Variants in CSMD1 observed in about 807,000 individuals in gnomAD.
CSMD1 encodes CUB and sushi domain-containing protein 1.
Under a neutral mutation model 417.5 loss-of-function variants are expected in CSMD1, and 213 were observed. The ratio of observed to expected loss-of-function variants is 0.51; its 90% CI spans 0.46 to 0.57. The LOEUF (loss-of-function observed/expected upper bound fraction) is 0.57. Ranked by LOEUF, CSMD1 falls within the 20% of genes least tolerant of loss-of-function variation. The pLI, the probability that CSMD1 is intolerant of heterozygous loss-of-function variation, is 0.00. For missense variants in CSMD1, 6,923 were observed against 4,529.7 expected, an observed-to-expected ratio of 1.53 and a Z score of -15.17; for synonymous variants, 2,862 against 1,736.8, an observed-to-expected ratio of 1.65 and a Z score of -16.11.
At chr8:3,895,783 A>T (rs1219556967) in intron 5 of CSMD1, among the ~76,000 whole-genome samples, 1 of 152,144 alleles carries the variant, frequency 6.6e-6, no homozygotes, top group Non-Finnish European at 1.5e-5. Flanking sequence ...TCCTACGGTC[A>T]TAACTCTTCA....
At chr8:4,438,769 C>A (rs562778945) in intron 2 of CSMD1, among the ~76,000 whole-genome samples, 1 of 152,270 alleles carries the variant, frequency 6.6e-6, no homozygotes, top group South Asian at 2.1e-4. Context: ...ACCATGTGCC[C>A]TGAATCACAA....
intron 1 of CSMD1, among the ~76,000 whole-genome samples, chr8:4,986,582 A>ATAC (rs1298430471): frequency 6.6e-6 from 1 of 152,110 alleles, no homozygotes; most frequent in Non-Finnish European, 1.5e-5. Context: ...ATATCAGAGT[A>ATAC]TACTAAACAG....
intron 12 of CSMD1, among the ~76,000 whole-genome samples, chr8:3,434,073 G>C (rs1448927184): frequency 1.3e-5 from 2 of 152,196 alleles, no homozygotes; most frequent in Non-Finnish European, 2.9e-5. Context: ...TATGAGACCT[G>C]AGGTCTTAGT....
At chr8:3,810,336 A>C (rs1008972633) in intron 5 of CSMD1, among the ~76,000 whole-genome samples, 1 of 152,226 alleles carries the variant, frequency 6.6e-6, no homozygotes, top group Non-Finnish European at 1.5e-5. Context: ...CTGGGAAAGA[A>C]ATAGTGCTTC....
chr8:4,547,059 C>T (rs1238250870), intron 2 of CSMD1, among the ~76,000 whole-genome samples: 1 of 152,154 alleles, frequency 6.6e-6, no homozygotes, highest in African/African-American at 2.4e-5. Context: ...ATCCAACTAC[C>T]TTTTGGACTT....
intron 12 of CSMD1, among the ~76,000 whole-genome samples, chr8:3,463,066 G>A (rs562819921): frequency 4.9e-4 from 75 of 152,224 alleles, no homozygotes; most frequent in Non-Finnish European, 8.7e-4. Flanking sequence ...ATCTGCCACT[G>A]CCTTGATCGT....
intron 5 of CSMD1, among the ~76,000 whole-genome samples, chr8:3,769,086 C>G (rs762772932): frequency 6.6e-5 from 10 of 152,210 alleles, no homozygotes; most frequent in Non-Finnish European, 1.2e-4. Context: ...CAGAGTTGAG[C>G]AAACTAATTA....
rs562952340 is a variant in CSMD1, at chr8:4,479,306, G to A, written c.303-59241C>T. On this transcript the variant is annotated intron_variant, in intron 2 of 69. Coordinates refer to ENST00000635120, the MANE Select transcript of CSMD1 (RefSeq NM_033225.6). ...TTTGCTTGTGAATGTGTTTTTCTTGGTAAGTATGAAAAAGGAATTTTATAC... is the reference window on the plus strand; with the variant it reads ...TTTGCTTGTGAATGTGTTTTTCTTGATAAGTATGAAAAAGGAATTTTATAC... Among the ~76,000 whole-genome samples, 3 of 152,134 alleles carry A rather than the reference G, an allele frequency of 2.0e-5. No homozygotes were observed. The East Asian group carries it at 5.8e-4, about 29-fold the overall frequency.
chr8:4,028,639 A>C (rs1353277065), intron 4 of CSMD1, among the ~76,000 whole-genome samples: 2 of 152,218 alleles, frequency 1.3e-5, no homozygotes, highest in Non-Finnish European at 2.9e-5. Context: ...CCTAGATTAA[A>C]AGCCAGACTT....
intron 36 of CSMD1, among the ~76,000 whole-genome samples, chr8:3,186,978 G>T (rs964129047): frequency 1.3e-5 from 2 of 152,188 alleles, no homozygotes; most frequent in Non-Finnish European, 2.9e-5. Context: ...CTGACCTCAG[G>T]TGATCCGCCC....
intron 3 of CSMD1, among the ~76,000 whole-genome samples, chr8:4,262,121 A>C (rs1803929152): frequency 6.6e-6 from 1 of 152,052 alleles, no homozygotes; most frequent in Non-Finnish European, 1.5e-5. Context: ...TTTCCTATAG[A>C]GAATTGTTAG....
intron 10 of CSMD1, among the ~76,000 whole-genome samples, chr8:3,537,666 T>C (rs1350621999): frequency 6.6e-6 from 1 of 152,258 alleles, no homozygotes; most frequent in Non-Finnish European, 1.5e-5. Context: ...GCAAATTACA[T>C]ATATTCATTT....
intron 3 of CSMD1, among the ~76,000 whole-genome samples, chr8:4,046,077 T>A (rs1470341607): frequency 1.3e-5 from 2 of 152,176 alleles, no homozygotes; most frequent in Non-Finnish European, 2.9e-5. Flanking sequence ...CCAATTTATA[T>A]ACACACATTA....
intron 1 of CSMD1, among the ~76,000 whole-genome samples, chr8:4,929,839 C>A (rs779709868): frequency 3.9e-5 from 6 of 152,122 alleles, no homozygotes; most frequent in Non-Finnish European, 8.8e-5. Context: ...AAAAACATCC[C>A]CATTGGCAAA....
At chr8:4,108,591 C>A (rs1801690943) in intron 3 of CSMD1, among the ~76,000 whole-genome samples, 1 of 152,220 alleles carries the variant, frequency 6.6e-6, no homozygotes, top group African/African-American at 2.4e-5. Flanking sequence ...TAGATTTCCA[C>A]ACGGCAACAG....
At chr8:3,820,724 C>T (rs570464317) in intron 5 of CSMD1, among the ~76,000 whole-genome samples, 1 of 152,094 alleles carries the variant, frequency 6.6e-6, no homozygotes, top group East Asian at 1.9e-4. Context: ...TACAGGCATG[C>T]GCCACCGTGC....
At chr8:4,728,963 G>A (rs1809662164) in intron 1 of CSMD1, among the ~76,000 whole-genome samples, 1 of 152,112 alleles carries the variant, frequency 6.6e-6, no homozygotes, top group Non-Finnish European at 1.5e-5. Flanking sequence ...AGATAGAGAT[G>A]GACAGCTGCA....
At chr8:4,156,022 G>A (rs1319659631) in intron 3 of CSMD1, among the ~76,000 whole-genome samples, 1 of 152,180 alleles carries the variant, frequency 6.6e-6, no homozygotes, top group Admixed American at 6.5e-5. Flanking sequence ...CAGACCCAGT[G>A]GCCTGGTTCC....
chr8:4,071,611 TTA>T (rs990829754), intron 3 of CSMD1, among the ~76,000 whole-genome samples: 1 of 152,200 alleles, frequency 6.6e-6, no homozygotes, highest in African/African-American at 2.4e-5. Flanking sequence ...TGGGGGCCTT[TTA>T]GTTTTTAATT....
Sources: allele counts gnomAD v4.1 joint callset (sites outside exome capture counted in the v4.1 genomes callset), GRCh38; gene constraint gnomAD v4.1.1; transcripts MANE v1.5; gene names NCBI Gene and HGNC (gene_info 2026-07-23, HGNC 2026-07-21).